The following ADAM32 variants were observed in gnomAD, a reference collection of about 807,000 sequenced individuals.
ADAM32 encodes ADAM metallopeptidase domain 32.
In ADAM32, 89 loss-of-function variants were observed where a neutral mutation model predicts 114.9. The observed-to-expected ratio is 0.77, with a 90% CI of 0.65 to 0.92. The LOEUF (loss-of-function observed/expected upper bound fraction) is 0.92, where lower values mean the gene tolerates loss of function less well. Ranked by LOEUF, ADAM32 falls within the 40% of genes least tolerant of loss-of-function variation. ADAM32 has a pLI of 0.00. For missense variants in ADAM32, 870 were observed against 932.8 expected, an observed-to-expected ratio of 0.93 and a Z score of 0.88; for synonymous variants, 285 against 307.5, an observed-to-expected ratio of 0.93 and a Z score of 0.77.
chr8:39,125,513 C>T (rs1802060981), intron 2 of ADAM32, among the ~76,000 whole-genome samples: 2 of 152,138 alleles, frequency 1.3e-5, no homozygotes, highest in African/African-American at 4.8e-5. Flanking sequence ...GAATTTCGAA[C>T]TTGGAATTGA....
At chr8:39,275,679 TTAG>T in intron 21 of ADAM32, 146 bp from the exon 22 acceptor site, 1 of 690,980 alleles carries the variant, frequency 1.4e-6, no homozygotes, top group Non-Finnish European at 2.3e-6. Context: ...ATATGCTAAT[TTAG>T]TAGTCTTTTG....
chr8:39,237,424 G>A lies in ADAM32; in HGVS notation c.1818+3342G>A, dbSNP rs529071396. On this transcript the variant is annotated intron_variant, in intron 16 of 24. Transcript: ENST00000379907. ...CAGAAGCCATGGCAGGCAGGTAGAA[G>A]CAAGGCCTGAGAGCTCTGCTTGCTT... Among the ~76,000 whole-genome samples, 7 of 152,258 alleles carry A rather than the reference G, an allele frequency of 4.6e-5. No homozygotes were observed. The South Asian group carries it at 1.2e-3, about 27-fold the overall frequency.
chr8:39,142,584 A>G (rs1052488079), intron 3 of ADAM32, among the ~76,000 whole-genome samples: 5 of 152,100 alleles, frequency 3.3e-5, no homozygotes, highest in Non-Finnish European at 7.4e-5. Context: ...TGTTAGTCTG[A>G]TGGTCTTCCC....
At chr8:39,260,073 C>T (rs1811929831) in intron 19 of ADAM32, among the ~76,000 whole-genome samples, 3 of 152,106 alleles carry the variant, frequency 2.0e-5, no homozygotes, top group Non-Finnish European at 4.4e-5. Context: ...CTTAGATTTA[C>T]TGTGGTATGA....
intron 11 of ADAM32, among the ~76,000 whole-genome samples, chr8:39,198,517 A>G (rs11784182): frequency 0.25 from 37,545 of 151,984 alleles, 5,015 homozygotes; most frequent in Non-Finnish European, 0.29. Flanking sequence ...AGCTGGGACT[A>G]CAGGTGTGCA....
At chr8:39,166,366 A>C (rs993258897) in intron 9 of ADAM32, 1 of 152,212 alleles carries the variant, frequency 6.6e-6, no homozygotes, top group Non-Finnish European at 1.5e-5. Flanking sequence ...CTGCAAATGC[A>C]GTCAATTCAT....
rs746892922 is a variant in ADAM32, at chr8:39,283,596, C to T, written c.2329C>T (p.Gln777Ter). 16 of 1,601,428 alleles carry T rather than the reference C, an allele frequency of 1.0e-5. No homozygotes were observed. Among genetic ancestry groups the T allele is most frequent in the Middle Eastern group, 3.3e-4 (2 of 6,042 alleles). Residue 777 changes from glutamine (Q) to a stop codon, truncating the protein, a stop_gained, in exon 24 of 25, where the codon CAG becomes TAG. Transcript: ENST00000379907. LOFTEE classifies it low-confidence loss of function (END_TRUNC). ...TCCTTATTTCCTTAGATCCAAATCA[C>T]AGGACAGTACCCAAACACAAAGCAG... The part of the protein sequence containing the change: ...AEAYTSRSKS[Q>*]DSTQTQSSSN
chr8:39,186,519 G>A (rs12155966), intron 10 of ADAM32, among the ~76,000 whole-genome samples: 37,565 of 152,054 alleles, frequency 0.25, 5,019 homozygotes, highest in Non-Finnish European at 0.29. Context: ...CATGAGCTGG[G>A]GGTTAGGGGA....
chr8:39,118,995 C>A (rs569178871), intron 2 of ADAM32, among the ~76,000 whole-genome samples: 126 of 152,180 alleles, frequency 8.3e-4, no homozygotes, highest in African/African-American at 2.9e-3. Context: ...ATATAAATGG[C>A]AGCATGCAAT....
intron 1 of ADAM32, 21 bp from the exon 2 acceptor site, chr8:39,118,061 CTTTT>C (rs746884956): frequency 9.2e-5 from 101 of 1,095,264 alleles, no homozygotes; most frequent in Middle Eastern, 4.5e-4. Context: ...AGGTTACTAA[CTTTT>C]TTTTTTTTTT....
intron 12 of ADAM32, among the ~76,000 whole-genome samples, chr8:39,217,131 T>C (rs1808629294): frequency 6.6e-6 from 1 of 151,602 alleles, no homozygotes; most frequent in African/African-American, 2.4e-5. Flanking sequence ...TTTTACCAGA[T>C]ATGCTATCCT....
chr8:39,200,913 T>A (rs946874822), intron 11 of ADAM32, among the ~76,000 whole-genome samples: 34 of 152,216 alleles, frequency 2.2e-4, no homozygotes, highest in Non-Finnish European at 4.4e-4. Context: ...TTGTCCGGTT[T>A]TTCCAAGATC....
At chr8:39,249,837 T>C (rs1811172685) in intron 17 of ADAM32, among the ~76,000 whole-genome samples, 1 of 152,176 alleles carries the variant, frequency 6.6e-6, no homozygotes, top group Admixed American at 6.5e-5. Context: ...TTTGCTTGTT[T>C]GAGAGTCTTT....
intron 19 of ADAM32, among the ~76,000 whole-genome samples, chr8:39,262,475 G>T (rs573222160): frequency 6.6e-6 from 1 of 152,122 alleles, no homozygotes; most frequent in Non-Finnish European, 1.5e-5. Flanking sequence ...GAGTCTGGTA[G>T]TACAATTCTT....
chr8:39,207,787 A>G (rs1275771902), intron 11 of ADAM32, among the ~76,000 whole-genome samples: 2 of 152,136 alleles, frequency 1.3e-5, no homozygotes, highest in Non-Finnish European at 2.9e-5. Flanking sequence ...TATGAAATCA[A>G]CTTTTTAAAA....
At chr8:39,112,710 C>A (rs931228698) in intron 1 of ADAM32, among the ~76,000 whole-genome samples, 1 of 152,138 alleles carries the variant, frequency 6.6e-6, no homozygotes. Flanking sequence ...CCCCTTGCCC[C>A]CAAAGTACAC....
intron 11 of ADAM32, among the ~76,000 whole-genome samples, chr8:39,210,670 G>A (rs1011880219): frequency 5.3e-5 from 8 of 152,108 alleles, no homozygotes; most frequent in Non-Finnish European, 1.2e-4. Flanking sequence ...GACTTCCTAT[G>A]GAACTAGTCA....
chr8:39,260,286 T>C (rs1376713596), intron 19 of ADAM32, among the ~76,000 whole-genome samples: 1 of 152,190 alleles, frequency 6.6e-6, no homozygotes, highest in Non-Finnish European at 1.5e-5. Flanking sequence ...AGACAACTTC[T>C]TCCTATTCAA....
chr8:39,180,560 C>G (rs552586627), intron 10 of ADAM32, among the ~76,000 whole-genome samples: 1 of 152,244 alleles, frequency 6.6e-6, no homozygotes, highest in South Asian at 2.1e-4. Flanking sequence ...AGCCCTGGTG[C>G]GGGATCCACT....
Sources: gnomAD v4.1 joint callset for allele counts (sites outside exome capture counted in the v4.1 genomes callset) on GRCh38, gnomAD v4.1.1 for gene constraint, MANE v1.5 for transcripts, NCBI Gene and HGNC (gene_info 2026-07-23, HGNC 2026-07-21) for gene names.